Variants in RUFY3 observed in about 807,000 individuals in gnomAD.
RUFY3 encodes the protein protein RUFY3.
In RUFY3, 34 loss-of-function variants were observed where a neutral mutation model predicts 84.0. That is an observed-to-expected ratio of 0.40 (90% CI 0.31 to 0.54). The LOEUF is 0.54. Ranked by LOEUF, RUFY3 falls within the 20% of genes least tolerant of loss-of-function variation. The pLI is 0.39. For synonymous variants in RUFY3, 242 were observed against 252.9 expected, an observed-to-expected ratio of 0.96 and a Z score of 0.41; for missense variants, 507 against 736.8, an observed-to-expected ratio of 0.69 and a Z score of 3.61.
upstream of RUFY3, among the ~76,000 whole-genome samples, chr4:70,720,102 A>T (rs114239666): frequency 2.9e-3 from 444 of 152,284 alleles, 4 homozygotes; most frequent in African/African-American, 9.7e-3. Flanking sequence ...GACAGGGTAG[A>T]GTGCAGTGGT....
intron 1 of RUFY3, among the ~76,000 whole-genome samples, 198 bp downstream of exon 1, chr4:70,722,949 G>C (rs975997223): frequency 3.1e-4 from 47 of 152,156 alleles, no homozygotes; most frequent in Admixed American, 2.8e-3. Context: ...TGCCCCTTTA[G>C]GTATCCTTTC....
rs371325494 is a variant in RUFY3, at chr4:70,764,556, C to T, written c.552C>T (p.Ile184=). 12 of 1,610,590 alleles carry T rather than the reference C, an allele frequency of 7.5e-6. No individual in the cohort carries two copies. The highest frequency in any genetic ancestry group is 1.3e-5 in the African/African-American group (1 of 74,786). Residue 184 remains isoleucine (I), a synonymous_variant, in exon 4 of 18, where the codon ATC becomes ATT. Coordinates refer to ENST00000381006, the MANE Select transcript of RUFY3 (RefSeq NM_001037442.4). The part of the protein sequence containing the change: ...KKLSEYMKAL[I]NKKELLSEFY... The stretch of plus-strand genomic sequence containing the variant: ...TTTCAGAATATATGAAAGCTTTGAT[C>T]AATAAGAAAGAACTTCTCAGGTATG...
chr4:70,730,143 C>T (rs2148610118), intron 1 of RUFY3, among the ~76,000 whole-genome samples: 1 of 151,948 alleles, frequency 6.6e-6, no homozygotes. Flanking sequence ...CCATGTTGGC[C>T]AGGCTAGTCT....
chr4:70,768,689 G>T (rs776561491), intron 5 of RUFY3, 28 bp downstream of exon 5: 19 of 1,608,542 alleles, frequency 1.2e-5, no homozygotes, highest in Non-Finnish European at 1.4e-5. Context: ...ATTCCCATGG[G>T]TGTCACTCTG....
At chr4:70,739,773 A>G (rs1275450507) in intron 1 of RUFY3, among the ~76,000 whole-genome samples, 1 of 151,404 alleles carries the variant, frequency 6.6e-6, no homozygotes, top group African/African-American at 2.4e-5. Context: ...AAAAAGAAGT[A>G]CAAGAGGGGC....
At chr4:70,730,642 G>T (rs1719092783) in intron 1 of RUFY3, among the ~76,000 whole-genome samples, 1 of 152,020 alleles carries the variant, frequency 6.6e-6, no homozygotes, top group Non-Finnish European at 1.5e-5. Context: ...GGGAGACTGA[G>T]GCAGGAGAAT....
At chr4:70,753,084 A>C (rs1723394922) in intron 1 of RUFY3, among the ~76,000 whole-genome samples, 1 of 152,080 alleles carries the variant, frequency 6.6e-6, no homozygotes, top group East Asian at 1.9e-4. Context: ...CTTTACTTGT[A>C]GGTCTGTTCA....
chr4:70,721,141 G>A (rs890689464), upstream of RUFY3, among the ~76,000 whole-genome samples: 2 of 151,546 alleles, frequency 1.3e-5, no homozygotes, highest in Non-Finnish European at 2.9e-5. Flanking sequence ...GTGAAACCCC[G>A]TCTCTACTAA....
intron 14 of RUFY3, among the ~76,000 whole-genome samples, chr4:70,795,677 C>T (rs917569595): frequency 5.3e-5 from 8 of 152,148 alleles, no homozygotes; most frequent in Admixed American, 4.6e-4. Context: ...ACCTAAGTTC[C>T]ATCAAGTTCA....
intron 17 of RUFY3, 137 bp from the exon 18 acceptor site, chr4:70,806,379 T>A (rs1732849392): frequency 1.0e-6 from 1 of 984,756 alleles, no homozygotes; most frequent in African/African-American, 1.6e-5. Flanking sequence ...TGTGTTCAGA[T>A]ACTACCTGGC....
intron 5 of RUFY3, among the ~76,000 whole-genome samples, chr4:70,772,048 A>G (rs902483985): frequency 2.0e-5 from 3 of 151,932 alleles, no homozygotes; most frequent in South Asian, 2.1e-4. Flanking sequence ...CAGGAGTGGC[A>G]GAGATGGAGG....
chr4:70,760,727 A>G (rs1031282898), intron 1 of RUFY3, among the ~76,000 whole-genome samples: 2 of 152,186 alleles, frequency 1.3e-5, no homozygotes, highest in Admixed American at 6.5e-5. Context: ...AAGTTGATCT[A>G]CATTTAAGCT....
At chr4:70,710,251 C>T (rs1348171434) in intron 1 of RUFY3, among the ~76,000 whole-genome samples, 2 of 152,168 alleles carry the variant, frequency 1.3e-5, no homozygotes, top group South Asian at 2.1e-4. Context: ...ATATATATTG[C>T]ATGCATGCAT....
chr4:70,714,540 AC>A (rs1741359027), intron 1 of RUFY3, among the ~76,000 whole-genome samples: 1 of 152,194 alleles, frequency 6.6e-6, no homozygotes, highest in South Asian at 2.1e-4. Context: ...TGTTAGACTG[AC>A]CTGTTTGTTG....
At chr4:70,707,768 GT>G (rs11294791) in intron 1 of RUFY3, among the ~76,000 whole-genome samples, 18,198 of 151,466 alleles carry the variant, frequency 0.12, 2,608 homozygotes, top group African/African-American at 0.33. Flanking sequence ...ATTCAAAATA[GT>G]TTTTTGTTTT....
Sources: gnomAD v4.1 joint callset for allele counts (sites outside exome capture counted in the v4.1 genomes callset) on GRCh38, gnomAD v4.1.1 for gene constraint, MANE v1.5 for transcripts, NCBI Gene and HGNC (gene_info 2026-07-23, HGNC 2026-07-21) for gene names.